SPDYA: variants seen among roughly 807,000 people sequenced by gnomAD.
The protein encoded by SPDYA is speedy protein A.
SPDYA carries 11 observed loss-of-function variants against 36.7 expected under a neutral mutation model. The observed-to-expected ratio is 0.30, with a 90% CI of 0.19 to 0.50. The LOEUF is 0.50. SPDYA is among the 20% of genes least tolerant of loss of function. SPDYA has a pLI of 0.98. For synonymous variants in SPDYA, 115 were observed against 118.7 expected (o/e 0.97, Z 0.20); for missense variants, 287 against 370.9 (o/e 0.77, Z 1.86).
At position 28,822,369 on chromosome 2, in the gene SPDYA, T is replaced by C; in HGVS notation, c.339T>C (p.Phe113=). 1 of 1,573,594 alleles carries C rather than the reference T, an allele frequency of 6.4e-7. No individual in the cohort carries two copies. Among genetic ancestry groups the C allele is most frequent in the Non-Finnish European group, 8.6e-7 (1 of 1,159,764 alleles). Residue 113 remains phenylalanine, a synonymous_variant, in exon 5 of 8, where the codon TTT becomes TTC. Transcript: ENST00000334056. ...MTFVYFKRAK[F]TISEHTRINF... is the part of the protein sequence containing the mutation. Reference sequence around the variant, plus strand: ...TTGTTTATTTCAAGAGGGCTAAATTTACTATAAGTGAGCATACCAGGATAA... The same window carrying C: ...TTGTTTATTTCAAGAGGGCTAAATTCACTATAAGTGAGCATACCAGGATAA...
chr2:28,843,281 G>A (rs1190960502), intron 7 of SPDYA, among the ~76,000 whole-genome samples: 1 of 152,320 alleles, frequency 6.6e-6, no homozygotes, highest in Admixed American at 6.5e-5. Flanking sequence ...GGGCACGGTG[G>A]CTTGTGCCTG....
chr2:28,848,045 A>C (rs1668927204), intron 7 of SPDYA, among the ~76,000 whole-genome samples: 1 of 152,230 alleles, frequency 6.6e-6, no homozygotes, highest in Admixed American at 6.5e-5. Context: ...ATGTTCACAC[A>C]ATGATGAAAC....
chr2:28,850,418 A>C lies in SPDYA; in HGVS notation c.*477A>C, dbSNP rs1486734530. On this transcript the variant is annotated 3_prime_UTR_variant, in exon 8 of 8. Coordinates refer to ENST00000334056, the MANE Select transcript of SPDYA (RefSeq NM_182756.4). ...GAATGCGATTCTTCTGTTGTAAAAAAATATATGTACTATAAGCTACATAAA... is the reference window on the plus strand; with the variant it reads ...GAATGCGATTCTTCTGTTGTAAAAACATATATGTACTATAAGCTACATAAA... 1 of 1,549,216 alleles carries C rather than the reference A, an allele frequency of 6.5e-7. No individual in the cohort carries two copies. The highest frequency in any genetic ancestry group is 1.9e-4 in the Middle Eastern group (1 of 5,336).
intron 5 of SPDYA, among the ~76,000 whole-genome samples, chr2:28,825,837 A>G (rs1668302290): frequency 6.6e-6 from 1 of 151,854 alleles, no homozygotes; most frequent in Non-Finnish European, 1.5e-5. Flanking sequence ...TCTAGGGTTA[A>G]AGTGATCTTC....
intron 5 of SPDYA, 50 bp downstream of exon 5, chr2:28,822,460 T>A: frequency 5.6e-6 from 5 of 895,792 alleles, no homozygotes; most frequent in Non-Finnish European, 6.7e-6. Flanking sequence ...TTATATACAT[T>A]ACACCTTATT....
chr2:28,822,363 T>C lies in SPDYA; in HGVS notation c.333T>C (p.Ala111=). 6.4e-7 allele frequency: 1 copy of C among 1,572,260 alleles called. No homozygotes were observed. Among genetic ancestry groups the C allele is most frequent in the Non-Finnish European group, 8.6e-7 (1 of 1,158,840 alleles). Residue 111 remains alanine, a synonymous_variant, in exon 5 of 8, where the codon GCT becomes GCC. Transcript: ENST00000334056. Reference sequence around the variant, plus strand: ...TGACCTTTGTTTATTTCAAGAGGGCTAAATTTACTATAAGTGAGCATACCA... The same window carrying C: ...TGACCTTTGTTTATTTCAAGAGGGCCAAATTTACTATAAGTGAGCATACCA... The part of the protein sequence containing the change: ...LAMTFVYFKR[A]KFTISEHTRI...
chr2:28,835,102 C>G lies in SPDYA; in HGVS notation c.553-5070C>G, dbSNP rs139574244. Among the ~76,000 whole-genome samples the G allele has an allele frequency of 7.2e-3, 1,094 of 152,168 alleles. 16 individuals carry two copies. The highest frequency in any genetic ancestry group is 0.025 in the African/African-American group (1,033 of 41,512). ...TTGAGACAGGGTCTCATTCTGTTAC[C>G]CAGGCTGCCAGCTGCAGTGTGCAAT... On this transcript the variant is annotated intron_variant, in intron 6 of 7. Transcript: ENST00000334056.
intron 5 of SPDYA, among the ~76,000 whole-genome samples, chr2:28,822,827 T>C (rs183869150): frequency 4.7e-4 from 71 of 152,238 alleles, no homozygotes; most frequent in African/African-American, 1.6e-3. Flanking sequence ...AGGATGGTCT[T>C]GATCTCCTGA....
chr2:28,847,989 T>C (rs1226216506), intron 7 of SPDYA, among the ~76,000 whole-genome samples: 1 of 152,092 alleles, frequency 6.6e-6, no homozygotes, highest in Non-Finnish European at 1.5e-5. Flanking sequence ...ATAACCTAGG[T>C]GTGTAGTAGG....
At chr2:28,836,861 G>GTGA (rs888494507) in intron 6 of SPDYA, among the ~76,000 whole-genome samples, 3 of 152,128 alleles carry the variant, frequency 2.0e-5, no homozygotes, top group African/African-American at 7.2e-5. Context: ...ATTTACATTG[G>GTGA]TGATGGCTTA....
chr2:28,837,742 CTTTTTTTTTTTTTTT>C (rs201687264), intron 6 of SPDYA, among the ~76,000 whole-genome samples: 41 of 132,628 alleles, frequency 3.1e-4, no homozygotes, highest in East Asian at 8.0e-4. Flanking sequence ...AGAGTCAGTG[CTTTTTTTTTTTTTTT>C]TTTTTTTAAT....
At chr2:28,831,254 AGGCTGT>A (rs1433280810) in intron 6 of SPDYA, among the ~76,000 whole-genome samples, 1 of 152,174 alleles carries the variant, frequency 6.6e-6, no homozygotes, top group African/African-American at 2.4e-5. Flanking sequence ...GCTACTTGAG[AGGCTGT>A]GGTGTGAGAA....
intron 6 of SPDYA, among the ~76,000 whole-genome samples, chr2:28,833,382 T>C (rs1313748019): frequency 6.6e-6 from 1 of 152,188 alleles, no homozygotes; most frequent in Non-Finnish European, 1.5e-5. Flanking sequence ...CACTCCCATC[T>C]CATGGTCTTT....
chr2:28,823,067 A>T (rs1169725853), intron 5 of SPDYA, among the ~76,000 whole-genome samples: 1 of 152,208 alleles, frequency 6.6e-6, no homozygotes, highest in Non-Finnish European at 1.5e-5. Context: ...AAAAATCACC[A>T]TCATCATTGC....
chr2:28,818,967 A>T (rs1668064101), intron 3 of SPDYA, 81 bp from the exon 4 acceptor site: 2 of 1,129,104 alleles, frequency 1.8e-6, no homozygotes, highest in Non-Finnish European at 2.6e-6. Context: ...CACCATGTAT[A>T]ATCTCTTGAC....
At chr2:28,831,772 T>C (rs1440105111) in intron 6 of SPDYA, among the ~76,000 whole-genome samples, 1 of 152,202 alleles carries the variant, frequency 6.6e-6, no homozygotes, top group African/African-American at 2.4e-5. Context: ...TAGAACAGAC[T>C]GTCCACGTGC....
chr2:28,826,549 T>C (rs1668323695), intron 5 of SPDYA, among the ~76,000 whole-genome samples: 1 of 152,004 alleles, frequency 6.6e-6, no homozygotes, highest in African/African-American at 2.4e-5. Flanking sequence ...ATTAAACTTG[T>C]TATGCCTCGC....
intron 3 of SPDYA, among the ~76,000 whole-genome samples, chr2:28,818,638 T>G (rs927849577): frequency 1.3e-5 from 2 of 152,174 alleles, no homozygotes; most frequent in African/African-American, 4.8e-5. Context: ...ATCCTAATAG[T>G]TTTTTCAAAA....
rs1294508436 is a variant in SPDYA, at chr2:28,850,393, G to C, written c.*452G>C. ...GGGAAATGATCCATATGGAAAATCA[G>C]AATGCGATTCTTCTGTTGTAAAAAA... On this transcript the variant is annotated 3_prime_UTR_variant, in exon 8 of 8. Coordinates refer to ENST00000334056, the MANE Select transcript of SPDYA (RefSeq NM_182756.4). 4.4e-6 allele frequency: 7 copies of C among 1,605,830 alleles called. No homozygotes were observed. In the African/African-American group the frequency reaches 8.0e-5, roughly 18 times the overall value.
Sources: allele counts gnomAD v4.1 joint callset (sites outside exome capture counted in the v4.1 genomes callset), GRCh38; gene constraint gnomAD v4.1.1; transcripts MANE v1.5; gene names NCBI Gene and HGNC (gene_info 2026-07-23, HGNC 2026-07-21).